SDK1: variants seen among roughly 807,000 people sequenced by gnomAD.
The protein encoded by SDK1 is sidekick cell adhesion molecule 1.
Under a neutral mutation model 245.5 loss-of-function variants are expected in SDK1, and 157 were observed. The observed-to-expected ratio is 0.64, with a 90% CI of 0.56 to 0.73. The LOEUF is 0.73. Among genes scored for constraint, SDK1 ranks in the 30% least tolerant of loss-of-function variants. SDK1 has a pLI of 0.00. For synonymous variants in SDK1, 1,647 were observed against 1,278.5 expected (o/e 1.29, Z -6.15); for missense variants, 3,583 against 3,002.3 (o/e 1.19, Z -4.52).
At chr7:4,207,706 G>A (rs941029402) in intron 36 of SDK1, among the ~76,000 whole-genome samples, 2 of 152,112 alleles carry the variant, frequency 1.3e-5, no homozygotes, top group African/African-American at 4.8e-5. Flanking sequence ...AGAAGATGGG[G>A]GAGAGGGAGA....
chr7:3,434,177 G>A (rs66790405), intron 1 of SDK1, among the ~76,000 whole-genome samples: 25,176 of 152,032 alleles, frequency 0.17, 3,425 homozygotes, highest in African/African-American at 0.37. Context: ...CTTTTTGAAG[G>A]CTCAGTAGCT....
chr7:3,881,749 A>T (rs546301044), intron 5 of SDK1, among the ~76,000 whole-genome samples: 8 of 152,198 alleles, frequency 5.3e-5, no homozygotes, highest in Non-Finnish European at 1.0e-4. Flanking sequence ...CAAACATTCT[A>T]AAGTGAGCCC....
chr7:4,196,531 C>T (rs2128224372), intron 35 of SDK1, among the ~76,000 whole-genome samples: 1 of 152,298 alleles, frequency 6.6e-6, no homozygotes, highest in East Asian at 1.9e-4. Flanking sequence ...CCCCTCCCTG[C>T]CCCTTGCTCT....
At chr7:3,981,120 A>T (rs536736147) in intron 13 of SDK1, among the ~76,000 whole-genome samples, 7 of 152,196 alleles carry the variant, frequency 4.6e-5, no homozygotes, top group Non-Finnish European at 7.4e-5. Context: ...CTGCTCACTT[A>T]GTGTCTCTGG....
At chr7:3,422,012 T>C (rs1207237763) in intron 1 of SDK1, among the ~76,000 whole-genome samples, 2 of 152,122 alleles carry the variant, frequency 1.3e-5, no homozygotes, top group African/African-American at 4.8e-5. Context: ...GAGGGGGAAT[T>C]AAATAGCAGA....
Position 3,532,084 on chromosome 7 carries a change from A to G in SDK1, c.299-86996A>G, listed in dbSNP as rs1345375055. Among the ~76,000 whole-genome samples the G allele has an allele frequency of 5.3e-5, 8 of 152,306 alleles. No homozygotes were observed. In the South Asian group the frequency reaches 1.2e-3, roughly 24 times the overall value. ...TATTGTTGATGGAAATTTTTGTAGAACATACTTTCTACCTTCTTACTTTTC... is the reference window on the plus strand; with the variant it reads ...TATTGTTGATGGAAATTTTTGTAGAGCATACTTTCTACCTTCTTACTTTTC... On this transcript the variant is annotated intron_variant, in intron 1 of 44. Transcript: ENST00000404826.
chr7:3,431,283 C>T (rs1779837236), intron 1 of SDK1, among the ~76,000 whole-genome samples: 1 of 151,858 alleles, frequency 6.6e-6, no homozygotes, highest in Non-Finnish European at 1.5e-5. Flanking sequence ...AAAGTACCCC[C>T]AGATCATAAA....
chr7:3,570,955 A>C (rs888826290), intron 1 of SDK1, among the ~76,000 whole-genome samples: 5 of 152,084 alleles, frequency 3.3e-5, no homozygotes, highest in Non-Finnish European at 5.9e-5. Flanking sequence ...TTCTGTCAGA[A>C]TATGAACTGA....
chr7:3,687,518 A>C (rs986259044), intron 4 of SDK1, among the ~76,000 whole-genome samples: 1 of 152,208 alleles, frequency 6.6e-6, no homozygotes, highest in African/African-American at 2.4e-5. Context: ...TCCATCTGTA[A>C]TGTGGGACGC....
chr7:3,860,565 A>G (rs552030349), intron 5 of SDK1, among the ~76,000 whole-genome samples: 5 of 152,200 alleles, frequency 3.3e-5, no homozygotes, highest in African/African-American at 7.2e-5. Flanking sequence ...TGATGTGTAA[A>G]TTAATACAGC....
At chr7:4,256,984 G>A (rs969358846) in intron 44 of SDK1, among the ~76,000 whole-genome samples, 1 of 152,108 alleles carries the variant, frequency 6.6e-6, no homozygotes, top group African/African-American at 2.4e-5. Flanking sequence ...TGTCCTAAGT[G>A]TCACACGACG....
Position 4,267,002 on chromosome 7 carries a change from C to A in SDK1, c.*1618C>A. 1.0e-6 allele frequency: 1 copy of A among 985,566 alleles called. No individual in the cohort carries two copies. The highest frequency in any genetic ancestry group is 1.2e-6 in the Non-Finnish European group (1 of 830,044). 61.1% of individuals were successfully genotyped at this position (985,566 alleles called of 1,614,324 possible). On this transcript the variant is annotated 3_prime_UTR_variant, in exon 45 of 45. Transcript: ENST00000404826. ...ATGCAGAAAGTGTGGCCCCTGCTTA[C>A]CTAGATGTTTTGTGCACCTCCATGG... is the stretch of plus-strand genomic sequence containing the variant.
intron 5 of SDK1, among the ~76,000 whole-genome samples, chr7:3,822,818 T>C (rs1212598250): frequency 6.6e-6 from 1 of 151,958 alleles, no homozygotes; most frequent in Non-Finnish European, 1.5e-5. Context: ...GTGATAGTAT[T>C]TGCCTGACAT....
intron 1 of SDK1, among the ~76,000 whole-genome samples, chr7:3,603,740 A>AG (rs1781325614): frequency 6.6e-6 from 1 of 152,162 alleles, no homozygotes; most frequent in Non-Finnish European, 1.5e-5. Context: ...GTGCTGAGAG[A>AG]GGGCATCCCT....
At chr7:3,543,868 G>C (rs1562552276) in intron 1 of SDK1, among the ~76,000 whole-genome samples, 1 of 152,084 alleles carries the variant, frequency 6.6e-6, no homozygotes, top group Non-Finnish European at 1.5e-5. Context: ...CCCATTTATT[G>C]GTTACTTGAT....
intron 1 of SDK1, among the ~76,000 whole-genome samples, chr7:3,399,630 A>G (rs982658084): frequency 1.3e-5 from 2 of 152,116 alleles, no homozygotes; most frequent in South Asian, 2.1e-4. Context: ...CTCTGGACTA[A>G]TCTCATAAAG....
intron 4 of SDK1, among the ~76,000 whole-genome samples, chr7:3,701,643 T>C (rs1474506274): frequency 1.3e-5 from 2 of 152,118 alleles, no homozygotes; most frequent in African/African-American, 4.8e-5. Context: ...ATTTATGTGG[T>C]TAAGCAAAGG....
At chr7:3,702,683 C>T (rs1051953729) in intron 4 of SDK1, among the ~76,000 whole-genome samples, 1 of 152,142 alleles carries the variant, frequency 6.6e-6, no homozygotes, top group Non-Finnish European at 1.5e-5. Flanking sequence ...CTTGGCTGTT[C>T]CCCATGTTGG....
intron 1 of SDK1, among the ~76,000 whole-genome samples, chr7:3,434,370 G>C (rs932938261): frequency 3.3e-5 from 5 of 152,106 alleles, no homozygotes; most frequent in Non-Finnish European, 7.4e-5. Flanking sequence ...TTTTTACTTA[G>C]GTGTCCTCCC....
Sources: gnomAD v4.1 joint callset for allele counts (sites outside exome capture counted in the v4.1 genomes callset) on GRCh38, gnomAD v4.1.1 for gene constraint, MANE v1.5 for transcripts, NCBI Gene and HGNC (gene_info 2026-07-23, HGNC 2026-07-21) for gene names.